LEKR1: variants seen among roughly 807,000 people sequenced by gnomAD.
LEKR1 encodes leucine, glutamate and lysine rich 1.
LEKR1 carries 59 observed loss-of-function variants against 72.4 expected under a neutral mutation model. The ratio of observed to expected loss-of-function variants is 0.82; its 90% CI spans 0.66 to 1.01. The LOEUF is 1.01. Ranked by LOEUF, LEKR1 falls within the 50% of genes least tolerant of loss-of-function variation. The probability of loss-of-function intolerance (pLI) is 0.00; values close to 1 mark genes in which losing one functional copy is unlikely to be tolerated. For synonymous variants in LEKR1, 257 were observed against 263.2 expected (o/e 0.98, Z 0.23); for missense variants, 728 against 759.2 (o/e 0.96, Z 0.48).
chr3:156,971,539 C>T (rs1729194336), intron 6 of LEKR1, among the ~76,000 whole-genome samples: 2 of 152,130 alleles, frequency 1.3e-5, no homozygotes, highest in South Asian at 2.1e-4. Context: ...AAACTACCAT[C>T]AGAGTGAACA....
chr3:156,939,427 T>TAC (rs771595599), intron 5 of LEKR1, among the ~76,000 whole-genome samples: 1 of 152,176 alleles, frequency 6.6e-6, no homozygotes, highest in Non-Finnish European at 1.5e-5. Flanking sequence ...TTTCTGTTGT[T>TAC]TAAGCACTCA....
chr3:156,848,567 A>G (rs1398986826), intron 2 of LEKR1, among the ~76,000 whole-genome samples: 4 of 152,220 alleles, frequency 2.6e-5, no homozygotes, highest in Admixed American at 2.0e-4. Flanking sequence ...AAAGTTTGTC[A>G]TAATATTCCT....
chr3:156,873,462 G>T (rs1718200706), intron 3 of LEKR1, among the ~76,000 whole-genome samples: 1 of 151,894 alleles, frequency 6.6e-6, no homozygotes, highest in African/African-American at 2.4e-5. Context: ...ATTGATTTCT[G>T]GTTGGTTTGT....
At chr3:156,960,587 A>G (rs1230919742) in intron 6 of LEKR1, among the ~76,000 whole-genome samples, 2 of 152,122 alleles carry the variant, frequency 1.3e-5, no homozygotes, top group African/African-American at 4.8e-5. Flanking sequence ...TGCCTGGCCC[A>G]AGCATACGGT....
At chr3:157,042,069 T>G (rs1735388367) in intron 12 of LEKR1, among the ~76,000 whole-genome samples, 1 of 152,248 alleles carries the variant, frequency 6.6e-6, no homozygotes, top group Admixed American at 6.5e-5. Flanking sequence ...ATTATAAATC[T>G]GAATTGCCTA....
chr3:156,837,093 A>G (rs914559004), intron 2 of LEKR1, among the ~76,000 whole-genome samples: 2 of 152,228 alleles, frequency 1.3e-5, no homozygotes, highest in African/African-American at 4.8e-5. Context: ...AAAATGGTAT[A>G]CTCAGTTTCA....
In LEKR1 at chr3:156,875,107, C is replaced by T. The variant is rs183214031; in HGVS notation, c.263+22125C>T. ...TTTTTAGTTTTTTAAGGAATCTCCACACTGTTTTCCATAGTGGTTATACTA... is the reference window on the plus strand; with the variant it reads ...TTTTTAGTTTTTTAAGGAATCTCCATACTGTTTTCCATAGTGGTTATACTA... On this transcript the variant is annotated intron_variant, in intron 3 of 12. Coordinates refer to ENST00000356539, the MANE Select transcript of LEKR1 (RefSeq NM_001004316.3). Among the ~76,000 whole-genome samples, 248 of 152,326 alleles carry T rather than the reference C, an allele frequency of 1.6e-3. No individual in the cohort carries two copies. The Middle Eastern group carries it at 0.017, about 10-fold the overall frequency.
chr3:156,864,772 C>T (rs1717129182), intron 3 of LEKR1, among the ~76,000 whole-genome samples: 1 of 152,004 alleles, frequency 6.6e-6, no homozygotes, highest in South Asian at 2.1e-4. Context: ...CTAAAACACT[C>T]TTATTTCATA....
intron 3 of LEKR1, among the ~76,000 whole-genome samples, chr3:156,916,855 C>G (rs1023952229): frequency 6.6e-6 from 1 of 152,042 alleles, no homozygotes. Context: ...GGAATGCTTC[C>G]AGCCTTTGCC....
intron 12 of LEKR1, among the ~76,000 whole-genome samples, chr3:157,029,108 T>C (rs1734414726): frequency 2.0e-5 from 3 of 152,174 alleles, no homozygotes; most frequent in Admixed American, 2.0e-4. Flanking sequence ...TTCTGAATGT[T>C]GGTGAGAAGT....
intron 3 of LEKR1, among the ~76,000 whole-genome samples, chr3:156,910,321 A>C (rs140645396): frequency 0.01 from 1,583 of 152,204 alleles, 30 homozygotes; most frequent in African/African-American, 0.036. Context: ...TCCAGTGGCT[A>C]TTGTCCCATG....
At chr3:156,849,123 AG>A (rs1715002935) in intron 2 of LEKR1, among the ~76,000 whole-genome samples, 2 of 152,188 alleles carry the variant, frequency 1.3e-5, no homozygotes, top group Non-Finnish European at 2.9e-5. Flanking sequence ...ACAGACAAAC[AG>A]AGAGCCAAAT....
intron 7 of LEKR1, among the ~76,000 whole-genome samples, chr3:156,989,439 G>A (rs1025272877): frequency 6.6e-6 from 1 of 152,090 alleles, no homozygotes; most frequent in Non-Finnish European, 1.5e-5. Context: ...CCTCCAGTAA[G>A]CCTATACAGA....
chr3:157,014,688 A>G (rs1212146576), intron 10 of LEKR1, among the ~76,000 whole-genome samples: 2 of 152,186 alleles, frequency 1.3e-5, no homozygotes, highest in East Asian at 3.8e-4. Flanking sequence ...AGTTTTAGAA[A>G]TTGAATTAAT....
Position 156,927,596 on chromosome 3 carries a change from C to T in LEKR1, c.551C>T (p.Ala184Val). Residue 184 changes from alanine to valine, a missense_variant, in exon 5 of 13, where the codon GCC becomes GTC. Physicochemically the swap from Ala to Val is moderately conservative, Grantham distance 64. Transcript: ENST00000356539. ...FLQIKSISET[A>V]LTEIDILNKS... ...CAAATTAAATCTATAAGTGAAACAG[C>T]CTTGACAGGTTTGTTACATATATTT... 8.2e-7 allele frequency: 1 copy of T among 1,219,516 alleles called. No individual in the cohort carries two copies. The allele number at this position is 1,219,516 out of a possible 1,614,324, so 75.5% of individuals were successfully genotyped here.
intron 4 of LEKR1, chr3:156,924,423 AT>A (rs1724515840): frequency 6.9e-6 from 4 of 576,664 alleles, no homozygotes; most frequent in Non-Finnish European, 1.2e-5. Flanking sequence ...TTATCTTTTT[AT>A]TTTCTTAATA....
intron 3 of LEKR1, among the ~76,000 whole-genome samples, chr3:156,901,540 T>G (rs1383105842): frequency 1.3e-5 from 2 of 152,226 alleles, no homozygotes; most frequent in Non-Finnish European, 2.9e-5. Flanking sequence ...GTTTTCCTTT[T>G]TCTCTCTAAT....
intron 6 of LEKR1, among the ~76,000 whole-genome samples, chr3:156,969,320 A>G (rs893426898): frequency 2.2e-4 from 34 of 152,192 alleles, no homozygotes; most frequent in African/African-American, 7.5e-4. Context: ...TCAAAAAATC[A>G]ATGAATCCAG....
intron 7 of LEKR1, among the ~76,000 whole-genome samples, chr3:156,990,960 C>T (rs1329145411): frequency 6.6e-6 from 1 of 152,222 alleles, no homozygotes; most frequent in African/African-American, 2.4e-5. Flanking sequence ...TGGGAATATA[C>T]ATATGTCAAA....
Sources: allele counts gnomAD v4.1 joint callset (sites outside exome capture counted in the v4.1 genomes callset), GRCh38; gene constraint gnomAD v4.1.1; transcripts MANE v1.5; gene names NCBI Gene and HGNC (gene_info 2026-07-23, HGNC 2026-07-21).